The following ABCC5 variants were observed in gnomAD, a reference collection of about 807,000 sequenced individuals.
The protein encoded by ABCC5 is ATP binding cassette subfamily C member 5.
ABCC5 carries 61 observed loss-of-function variants against 160.9 expected under a neutral mutation model. The ratio of observed to expected loss-of-function variants is 0.38; its 90% CI spans 0.31 to 0.47. The LOEUF (loss-of-function observed/expected upper bound fraction) is 0.47, where lower values mean the gene tolerates loss of function less well. ABCC5 is among the 20% of genes least tolerant of loss of function. The pLI, the probability that ABCC5 is intolerant of heterozygous loss-of-function variation, is 0.99. For synonymous variants in ABCC5, 666 were observed against 700.6 expected, an observed-to-expected ratio of 0.95 and a Z score of 0.78; for missense variants, 1,308 against 1,813.3, an observed-to-expected ratio of 0.72 and a Z score of 5.06.
At position 183,989,215 on chromosome 3, in the gene ABCC5, C is replaced by T. The variant is rs369474568; in HGVS notation, c.287+11G>A. 2.5e-5 allele frequency: 40 copies of T among 1,591,334 alleles called. No individual in the cohort carries two copies. Among genetic ancestry groups the T allele is most frequent in the South Asian group, 1.9e-4 (17 of 89,962 alleles). On this transcript the variant is annotated intron_variant, in intron 3 of 29. Coordinates refer to ENST00000334444, the MANE Select transcript of ABCC5 (RefSeq NM_005688.4). Reference sequence around the variant, plus strand: ...GATGCTTCACTGTCATCACTCAGCACGGCATCTTACTTGGAAGTAGTCCGG... The same window carrying T: ...GATGCTTCACTGTCATCACTCAGCATGGCATCTTACTTGGAAGTAGTCCGG...
chr3:184,014,225 C>T, intron 2 of ABCC5, 39 bp downstream of exon 2: 2 of 1,581,862 alleles, frequency 1.3e-6, no homozygotes, highest in East Asian at 2.2e-5. Context: ...TGTTTTAGTA[C>T]AACAAGCAGG....
At chr3:184,009,258 CT>C (rs1721492994) in intron 2 of ABCC5, among the ~76,000 whole-genome samples, 1 of 152,128 alleles carries the variant, frequency 6.6e-6, no homozygotes, top group African/African-American at 2.4e-5. Context: ...GTATCCTTAT[CT>C]TTTGTTACTT....
At chr3:183,928,982 C>T (rs1436202116) in intron 26 of ABCC5, among the ~76,000 whole-genome samples, 157 bp from the exon 27 acceptor site, 1 of 152,144 alleles carries the variant, frequency 6.6e-6, no homozygotes, top group Admixed American at 6.5e-5. Context: ...CAGATGGGAG[C>T]TCTGACAGCA....
At position 183,971,622 on chromosome 3, in the gene ABCC5, G is replaced by A; in HGVS notation, c.1702C>T (p.His568Tyr). The A allele has an allele frequency of 1.9e-6, 3 of 1,614,154 alleles. No homozygotes were observed. Among genetic ancestry groups the A allele is most frequent in the Non-Finnish European group, 2.5e-6 (3 of 1,180,022 alleles). Residue 568 changes from histidine to tyrosine, a missense_variant, in exon 11 of 30, where the codon CAC becomes TAC. Physicochemically the swap from His to Tyr is moderately conservative, Grantham distance 83 (BLOSUM62 2). Transcript: ENST00000334444. ...SPEEEEGKHI[H>Y]LGHLRLQRTL... ...CTCTGTAAGCGCAGGTGGCCCAGGTGGATGTGCTTGCCTTCTTCCTCTTCG... is the reference window on the plus strand; with the variant it reads ...CTCTGTAAGCGCAGGTGGCCCAGGTAGATGTGCTTGCCTTCTTCCTCTTCG...
intron 2 of ABCC5, among the ~76,000 whole-genome samples, chr3:184,009,667 A>G (rs4148559): frequency 0.045 from 6,894 of 152,328 alleles, 248 homozygotes; most frequent in East Asian, 0.17. Flanking sequence ...ACTTACAAAA[A>G]TACTTAGTAG....
intron 2 of ABCC5, among the ~76,000 whole-genome samples, chr3:183,991,062 TG>T (rs1168789098): frequency 5.3e-5 from 8 of 152,006 alleles, no homozygotes; most frequent in African/African-American, 1.7e-4. Context: ...CCTGACACTT[TG>T]GAAGGATCGG....
chr3:184,005,005 G>A (rs1159249043), intron 2 of ABCC5, among the ~76,000 whole-genome samples: 7 of 152,096 alleles, frequency 4.6e-5, no homozygotes, highest in South Asian at 2.1e-4. Context: ...GTGTCGTGGC[G>A]TCTCCTGGGT....
chr3:183,998,392 G>A (rs1026391716), intron 2 of ABCC5, among the ~76,000 whole-genome samples: 5 of 152,096 alleles, frequency 3.3e-5, no homozygotes, highest in Non-Finnish European at 5.9e-5. Flanking sequence ...CAAATCTCAC[G>A]ACTAGTATGC....
intron 26 of ABCC5, 101 bp downstream of exon 26, chr3:183,937,800 T>C (rs1666413794): frequency 2.3e-6 from 3 of 1,312,490 alleles, no homozygotes; most frequent in Non-Finnish European, 3.2e-6. Context: ...CTAGAGATGG[T>C]GAGCTCATGG....
rs1715321658 is a variant in ABCC5 at position 183,951,312 on chromosome 3, T to A, written c.2944+129A>T. 7.9e-7 allele frequency: 1 copy of A among 1,258,766 alleles called. No homozygotes were observed. Among genetic ancestry groups the A allele is most frequent in the Non-Finnish European group, 1.1e-6 (1 of 922,582 alleles). The allele number at this position is 1,258,766 out of a possible 1,614,324, so 78.0% of individuals were successfully genotyped here. On this transcript the variant is annotated intron_variant, in intron 20 of 29. Transcript: ENST00000334444. This position sits in a 1 kb window ranked among gnomAD's most constrained non-coding sequence, Gnocchi z 4.7. ...GAAAATGCAGTTGCAATGTTCCTGG[T>A]GAAAACACCAGCAGTCACTGTGCTC...
intron 5 of ABCC5, chr3:183,984,651 A>G: frequency 6.9e-7 from 1 of 1,445,712 alleles, no homozygotes; most frequent in Non-Finnish European, 9.1e-7. Context: ...ACTGTATTCC[A>G]CCTCTCCCCT....
At chr3:183,944,306 G>A (rs1043289691) in intron 24 of ABCC5, among the ~76,000 whole-genome samples, 2 of 151,684 alleles carry the variant, frequency 1.3e-5, no homozygotes, top group Admixed American at 6.6e-5. Context: ...GAGGTGGGAG[G>A]ATCACTTGAG....
chr3:183,943,589 T>C (rs549440535), intron 24 of ABCC5, among the ~76,000 whole-genome samples: 5 of 152,304 alleles, frequency 3.3e-5, no homozygotes, highest in Admixed American at 3.3e-4. Context: ...CATGATCTTT[T>C]AAAACTCTCT....
intron 26 of ABCC5, among the ~76,000 whole-genome samples, chr3:183,929,159 G>A (rs1269788528): frequency 6.6e-6 from 1 of 152,166 alleles, no homozygotes; most frequent in African/African-American, 2.4e-5. Context: ...TCGGCTGGGT[G>A]CAATGGCTCA....
intron 2 of ABCC5, among the ~76,000 whole-genome samples, chr3:183,998,762 T>C (rs1720489529): frequency 6.6e-6 from 1 of 152,132 alleles, no homozygotes; most frequent in South Asian, 2.1e-4. Context: ...ATGGCTCTTC[T>C]CTCTTCCCCA....
chr3:183,969,562 C>T (rs1223713184), intron 11 of ABCC5, among the ~76,000 whole-genome samples: 3 of 152,060 alleles, frequency 2.0e-5, no homozygotes, highest in South Asian at 2.1e-4. Flanking sequence ...CACAGTGGCA[C>T]GTGCCTATAA....
intron 5 of ABCC5, chr3:183,985,818 CATCTTGGTGT>C (rs1202219348): frequency 2.4e-5 from 5 of 206,074 alleles, no homozygotes; most frequent in African/African-American, 1.1e-4. Context: ...AACCTTGGAT[CATCTTGGTGT>C]ATAAATGTCA....
intron 8 of ABCC5, among the ~76,000 whole-genome samples, chr3:183,981,449 CA>C (rs755407268): frequency 5.3e-5 from 8 of 152,298 alleles, no homozygotes; most frequent in Non-Finnish European, 1.0e-4. Flanking sequence ...AGAATATACA[CA>C]GGGGGCTTCG....
chr3:183,924,409 T>C (rs761680419), intron 29 of ABCC5, among the ~76,000 whole-genome samples: 1 of 152,186 alleles, frequency 6.6e-6, no homozygotes, highest in Non-Finnish European at 1.5e-5. Context: ...GTTGTTGTGA[T>C]GACTGATGGT....
Sources: gnomAD v4.1 joint callset for allele counts (sites outside exome capture counted in the v4.1 genomes callset) on GRCh38, gnomAD v4.1.1 for gene constraint, Gnocchi (gnomAD v3.1) non-coding constraint, MANE v1.5 for transcripts, NCBI Gene and HGNC (gene_info 2026-07-23, HGNC 2026-07-21) for gene names.